Variants in FMNL2 observed in about 807,000 individuals in gnomAD.
The protein encoded by FMNL2 is formin like 2.
FMNL2 carries 51 observed loss-of-function variants against 130.2 expected under a neutral mutation model. The observed-to-expected ratio is 0.39, with a 90% CI of 0.31 to 0.49. The LOEUF (loss-of-function observed/expected upper bound fraction) is 0.49, where lower values mean the gene tolerates loss of function less well. Ranked by LOEUF, FMNL2 falls within the 20% of genes least tolerant of loss-of-function variation. The probability of loss-of-function intolerance (pLI) is 0.85; values close to 1 mark genes in which losing one functional copy is unlikely to be tolerated. For synonymous variants in FMNL2, 465 were observed against 467.1 expected, an observed-to-expected ratio of 1.00 and a Z score of 0.06; for missense variants, 977 against 1,316.2, an observed-to-expected ratio of 0.74 and a Z score of 3.99.
At chr2:152,336,116 AC>A (rs747522606) in intron 1 of FMNL2, among the ~76,000 whole-genome samples, 11,462 of 150,038 alleles carry the variant, frequency 0.076, 502 homozygotes, top group African/African-American at 0.1. Context: ...ACAAAACAAA[AC>A]AAAACACCCT....
chr2:152,362,516 G>A lies in FMNL2; in HGVS notation c.117+26796G>A, dbSNP rs1683239666. Among the ~76,000 whole-genome samples, 3 of 152,008 alleles carry A rather than the reference G, an allele frequency of 2.0e-5. No individual in the cohort carries two copies. The South Asian group carries it at 6.2e-4, about 32-fold the overall frequency. On this transcript the variant is annotated intron_variant, in intron 1 of 25. Coordinates refer to ENST00000288670, the MANE Select transcript of FMNL2 (RefSeq NM_052905.4). ...GATATTTTATGGATAAGGAAACTAG[G>A]ACTGAAAAGGACTCTAGTGTCTCTT...
rs2105923764 is a variant in FMNL2 at position 152,627,825 on chromosome 2, A to G, written c.2166-474A>G. Reference sequence around the variant, plus strand: ...CATTTTTTTCCAAAGAAGAAAAAATACTACCAGACTATTGGTTTAATTGAA... The same window carrying G: ...CATTTTTTTCCAAAGAAGAAAAAATGCTACCAGACTATTGGTTTAATTGAA... On this transcript the variant is annotated intron_variant, in intron 17 of 25. Transcript: ENST00000288670. Among the ~76,000 whole-genome samples the G allele has an allele frequency of 1.3e-5, 2 of 152,376 alleles. 1 individual carries two copies. Among genetic ancestry groups the G allele is most frequent in the South Asian group, 4.1e-4 (2 of 4,832 alleles).
At chr2:152,519,689 C>G (rs1408260793) in intron 1 of FMNL2, among the ~76,000 whole-genome samples, 1 of 152,186 alleles carries the variant, frequency 6.6e-6, no homozygotes, top group Non-Finnish European at 1.5e-5. Flanking sequence ...ACCAAATTCT[C>G]CCGGGTCTAT....
chr2:152,381,810 C>CTTTTTTTT (rs3047878), intron 1 of FMNL2, among the ~76,000 whole-genome samples: 1 of 149,916 alleles, frequency 6.7e-6, no homozygotes, highest in Non-Finnish European at 1.5e-5. Context: ...CAAAGCAGAA[C>CTTTTTTTT]TTTTTTTTTT....
At chr2:152,360,748 T>C (rs923307748) in intron 1 of FMNL2, among the ~76,000 whole-genome samples, 2 of 152,224 alleles carry the variant, frequency 1.3e-5, no homozygotes, top group African/African-American at 4.8e-5. Context: ...TCTATACCAT[T>C]CTATTCTTTT....
At chr2:152,556,419 G>A (rs1314583913) in intron 4 of FMNL2, among the ~76,000 whole-genome samples, 1 of 152,130 alleles carries the variant, frequency 6.6e-6, no homozygotes, top group African/African-American at 2.4e-5. Context: ...GCAGCAGGCT[G>A]TTACCTTTTA....
At chr2:152,636,732 ACGGGGGGACCATT>A in intron 22 of FMNL2, 142 bp downstream of exon 22, 1 of 1,026,722 alleles carries the variant, frequency 9.7e-7, no homozygotes, top group Non-Finnish European at 1.4e-6. Flanking sequence ...ATTATTTATT[ACGGGGGGACCATT>A]CCCAGGGTTA....
In FMNL2 at chr2:152,522,061, G is replaced by C. The variant is rs1159719815; in HGVS notation, c.201+35G>C. On this transcript the variant is annotated intron_variant, in intron 2 of 25. Transcript: ENST00000288670. ...AGTGACACTTTCTTTTATGAAAAAA[G>C]TAATGAAAGAAGAGATCCAGTGTGA... The C allele has an allele frequency of 3.9e-6, 6 of 1,523,954 alleles. No individual in the cohort carries two copies. The South Asian group carries it at 7.1e-5, about 18-fold the overall frequency. 94.4% of individuals were successfully genotyped at this position (1,523,954 alleles called of 1,614,324 possible). A position where few individuals can be genotyped will look rare whatever the true frequency, so the allele number is the denominator to read the frequency against.
intron 1 of FMNL2, chr2:152,390,520 A>G: frequency 6.5e-7 from 1 of 1,546,832 alleles, no homozygotes; most frequent in Non-Finnish European, 8.9e-7. Flanking sequence ...ATGTATGACC[A>G]GAGACAGAAG....
chr2:152,396,271 C>T (rs371856755), intron 1 of FMNL2, among the ~76,000 whole-genome samples: 2 of 152,140 alleles, frequency 1.3e-5, no homozygotes, highest in African/African-American at 4.8e-5. Context: ...ATTAGTTTTC[C>T]GTTTTCTGCC....
At chr2:152,350,511 A>G (rs552722250) in intron 1 of FMNL2, among the ~76,000 whole-genome samples, 1 of 152,320 alleles carries the variant, frequency 6.6e-6, no homozygotes, top group South Asian at 2.1e-4. Context: ...CTGTTTGAGA[A>G]TGGACTGTTT....
At chr2:152,338,554 A>G (rs1377309290) in intron 1 of FMNL2, among the ~76,000 whole-genome samples, 1 of 152,192 alleles carries the variant, frequency 6.6e-6, no homozygotes, top group Non-Finnish European at 1.5e-5. Flanking sequence ...ATGAATGGAA[A>G]TGAGAGAATA....
intron 23 of FMNL2, among the ~76,000 whole-genome samples, chr2:152,638,276 GTA>G (rs1427657799): frequency 6.6e-6 from 1 of 152,222 alleles, no homozygotes; most frequent in African/African-American, 2.4e-5. Flanking sequence ...AAAGAGACAT[GTA>G]TCAGAAGGAT....
intron 8 of FMNL2, 79 bp from the exon 9 acceptor site, chr2:152,580,877 T>C (rs1580007628): frequency 1.6e-6 from 2 of 1,273,298 alleles, no homozygotes; most frequent in Non-Finnish European, 2.2e-6. Context: ...TTTATTCTCA[T>C]GTATCTTGGA....
intron 1 of FMNL2, among the ~76,000 whole-genome samples, chr2:152,400,910 G>A (rs558502097): frequency 3.9e-4 from 59 of 152,270 alleles, no homozygotes; most frequent in African/African-American, 1.3e-3. Context: ...TTCTTCCCAC[G>A]TGTATCCTGC....
intron 9 of FMNL2, among the ~76,000 whole-genome samples, chr2:152,589,874 G>A (rs1697289772): frequency 6.8e-6 from 1 of 146,046 alleles, no homozygotes; most frequent in East Asian, 2.0e-4. Context: ...GGCTCAAGTG[G>A]TCCTCCCACC....
chr2:152,362,643 G>A (rs1212694507), intron 1 of FMNL2, among the ~76,000 whole-genome samples: 1 of 151,866 alleles, frequency 6.6e-6, no homozygotes, highest in African/African-American at 2.4e-5. Context: ...GTTCTTTAGA[G>A]TCATGGTCAT....
chr2:152,518,832 T>C (rs9288107), intron 1 of FMNL2, among the ~76,000 whole-genome samples: 148,288 of 152,320 alleles, frequency 0.97, 72,292 homozygotes, highest in Non-Finnish European at 1. Context: ...GTTTCTAATC[T>C]GTTCTCCTCA....
At chr2:152,535,073 T>G (rs2105461151) in intron 2 of FMNL2, among the ~76,000 whole-genome samples, 1 of 152,352 alleles carries the variant, frequency 6.6e-6, no homozygotes, top group East Asian at 1.9e-4. Context: ...TACACAGTAT[T>G]AATCATGCAC....
Sources: gnomAD v4.1 joint callset for allele counts (sites outside exome capture counted in the v4.1 genomes callset) on GRCh38, gnomAD v4.1.1 for gene constraint, MANE v1.5 for transcripts, NCBI Gene and HGNC (gene_info 2026-07-23, HGNC 2026-07-21) for gene names.